CNTNAP2: variants seen among roughly 807,000 people sequenced by gnomAD.
CNTNAP2 encodes the protein contactin-associated protein-like 2.
A neutral mutation model predicts 155.2 loss-of-function variants in CNTNAP2; 98 were observed. The ratio of observed to expected loss-of-function variants is 0.63; its 90% CI spans 0.54 to 0.75. The LOEUF is 0.75. CNTNAP2 is among the 30% of genes least tolerant of loss of function. The pLI is 0.00. For missense variants in CNTNAP2, 1,727 were observed against 1,688.1 expected, an observed-to-expected ratio of 1.02 and a Z score of -0.40; for synonymous variants, 651 against 631.2, an observed-to-expected ratio of 1.03 and a Z score of -0.47.
intron 14 of CNTNAP2, among the ~76,000 whole-genome samples, chr7:147,966,708 T>G (rs1801219450): frequency 6.6e-6 from 1 of 152,100 alleles, no homozygotes; most frequent in Non-Finnish European, 1.5e-5. Flanking sequence ...GCATATTCCG[T>G]CTGCCCACAA....
intron 3 of CNTNAP2, among the ~76,000 whole-genome samples, chr7:146,975,182 C>T (rs1437464421): frequency 1.3e-5 from 2 of 151,638 alleles, no homozygotes; most frequent in South Asian, 2.1e-4. Context: ...CAGTAGCTCA[C>T]GGCTGGGCGC....
chr7:147,732,913 C>T (rs1296069930), intron 13 of CNTNAP2, among the ~76,000 whole-genome samples: 1 of 152,096 alleles, frequency 6.6e-6, no homozygotes, highest in Non-Finnish European at 1.5e-5. Context: ...TGTTTGAGTT[C>T]TTTGTAGATT....
chr7:148,044,239 G>C (rs534525313), intron 15 of CNTNAP2, among the ~76,000 whole-genome samples: 1 of 148,974 alleles, frequency 6.7e-6, no homozygotes, highest in South Asian at 2.1e-4. Context: ...TTAGTCTCGG[G>C]GTCTCCGTGT....
intron 11 of CNTNAP2, among the ~76,000 whole-genome samples, chr7:147,535,155 G>A (rs1020245131): frequency 4.3e-4 from 65 of 152,314 alleles, no homozygotes; most frequent in African/African-American, 1.4e-3. Context: ...CACTTTGAGA[G>A]GCCGAGGCGG....
At chr7:147,093,571 G>T (rs1485694282) in intron 4 of CNTNAP2, among the ~76,000 whole-genome samples, 2 of 152,062 alleles carry the variant, frequency 1.3e-5, no homozygotes, top group African/African-American at 4.8e-5. Flanking sequence ...GTGAGCCTCT[G>T]GTCACTACAG....
intron 13 of CNTNAP2, among the ~76,000 whole-genome samples, chr7:147,679,899 CA>C (rs1197154635): frequency 6.6e-6 from 1 of 151,390 alleles, no homozygotes; most frequent in Admixed American, 6.6e-5. Flanking sequence ...TGAAATCAAC[CA>C]AAGTAAATGT....
At chr7:148,167,709 G>A (rs189916051) in intron 17 of CNTNAP2, among the ~76,000 whole-genome samples, 1 of 152,234 alleles carries the variant, frequency 6.6e-6, no homozygotes, top group African/African-American at 2.4e-5. Flanking sequence ...GGAAACCGAC[G>A]CTGAGAGAGA....
chr7:147,021,603 C>A (rs1472919057), intron 3 of CNTNAP2, among the ~76,000 whole-genome samples: 1 of 152,128 alleles, frequency 6.6e-6, no homozygotes, highest in Non-Finnish European at 1.5e-5. Context: ...TATAAAACAA[C>A]CTCAAGGTTT....
chr7:147,442,665 T>C (rs1359880071), intron 10 of CNTNAP2, among the ~76,000 whole-genome samples: 3 of 152,158 alleles, frequency 2.0e-5, no homozygotes, highest in African/African-American at 7.2e-5. Flanking sequence ...CTCAGTGTAG[T>C]ACCAGGTATT....
At chr7:146,820,873 A>G (rs867926871) in intron 2 of CNTNAP2, among the ~76,000 whole-genome samples, 6 of 151,988 alleles carry the variant, frequency 3.9e-5, no homozygotes, top group African/African-American at 9.7e-5. Flanking sequence ...ATATATTTAG[A>G]ATAGTTAGCT....
chr7:147,674,186 T>C (rs1795832229), intron 13 of CNTNAP2, among the ~76,000 whole-genome samples: 1 of 152,178 alleles, frequency 6.6e-6, no homozygotes, highest in South Asian at 2.1e-4. Context: ...ACTCCCGTTG[T>C]GGACAGACAA....
chr7:146,193,521 A>AC (rs1368910564), intron 1 of CNTNAP2, among the ~76,000 whole-genome samples: 1 of 152,150 alleles, frequency 6.6e-6, no homozygotes, highest in Non-Finnish European at 1.5e-5. Context: ...CCGAAGTTGT[A>AC]CCTTAGCCTT....
intron 1 of CNTNAP2, among the ~76,000 whole-genome samples, chr7:146,223,428 CTT>C (rs1440653825): frequency 2.0e-5 from 3 of 152,152 alleles, no homozygotes; most frequent in African/African-American, 7.2e-5. Flanking sequence ...AGTGAAGAGA[CTT>C]TGATCTAGAA....
intron 21 of CNTNAP2, among the ~76,000 whole-genome samples, chr7:148,363,665 A>T (rs932673802): frequency 6.6e-6 from 1 of 152,176 alleles, no homozygotes; most frequent in Non-Finnish European, 1.5e-5. Flanking sequence ...GGCAGTCCTC[A>T]GAGCCCTCGC....
At chr7:147,329,997 G>A (rs1795528106) in intron 9 of CNTNAP2, among the ~76,000 whole-genome samples, 1 of 152,060 alleles carries the variant, frequency 6.6e-6, no homozygotes, top group Non-Finnish European at 1.5e-5. Flanking sequence ...AAGACCCTTG[G>A]AGCTTCCTGA....
intron 8 of CNTNAP2, among the ~76,000 whole-genome samples, chr7:147,221,466 CCATT>C (rs1019795728): frequency 1.2e-4 from 18 of 152,026 alleles, no homozygotes; most frequent in Middle Eastern, 3.4e-3. Flanking sequence ...GAGTGCCGTC[CCATT>C]GCAAGGAATA....
chr7:147,333,982 A>T (rs1475827833), intron 9 of CNTNAP2, among the ~76,000 whole-genome samples: 1 of 152,096 alleles, frequency 6.6e-6, no homozygotes, highest in Non-Finnish European at 1.5e-5. Context: ...GATGAGACAC[A>T]ATTGTTTTCT....
chr7:148,147,314 T>C (rs758248322), intron 16 of CNTNAP2, among the ~76,000 whole-genome samples, 177 bp from the exon 17 acceptor site: 1 of 152,218 alleles, frequency 6.6e-6, no homozygotes, highest in Non-Finnish European at 1.5e-5. Flanking sequence ...CCTTGGTTAT[T>C]AATGGTTAAT....
intron 3 of CNTNAP2, among the ~76,000 whole-genome samples, chr7:147,024,152 C>CT (rs1356561683): frequency 6.6e-6 from 1 of 152,150 alleles, no homozygotes; most frequent in Non-Finnish European, 1.5e-5. Flanking sequence ...AAAATGGACA[C>CT]TATAGTGAGG....
Sources: allele counts gnomAD v4.1 joint callset (sites outside exome capture counted in the v4.1 genomes callset), GRCh38; gene constraint gnomAD v4.1.1; transcripts MANE v1.5; gene names NCBI Gene and HGNC (gene_info 2026-07-23, HGNC 2026-07-21).